The following CAMK4 variants were observed in gnomAD, a reference collection of about 807,000 sequenced individuals.
CAMK4 encodes the protein calcium/calmodulin dependent protein kinase IV.
A neutral mutation model predicts 44.9 loss-of-function variants in CAMK4; 22 were observed. The ratio of observed to expected loss-of-function variants is 0.49; its 90% CI spans 0.35 to 0.70. CAMK4 has a LOEUF of 0.70. Ranked by LOEUF, CAMK4 falls within the 30% of genes least tolerant of loss-of-function variation. The pLI, the probability that CAMK4 is intolerant of heterozygous loss-of-function variation, is 0.01. For missense variants in CAMK4, 498 were observed against 586.8 expected (o/e 0.85, Z 1.56); for synonymous variants, 218 against 215.4 (o/e 1.01, Z -0.11).
intron 5 of CAMK4, among the ~76,000 whole-genome samples, chr5:111,442,304 G>A (rs1753853168): frequency 6.6e-6 from 1 of 152,122 alleles, no homozygotes; most frequent in South Asian, 2.1e-4. Context: ...GACCAAGCTG[G>A]CCAACATGGT....
At chr5:111,390,100 TATC>T (rs1751745596) in intron 4 of CAMK4, among the ~76,000 whole-genome samples, 2 of 152,184 alleles carry the variant, frequency 1.3e-5, no homozygotes, top group South Asian at 2.1e-4. Context: ...TGTAAGTAAA[TATC>T]ATAAGAAAAT....
chr5:111,476,116 GT>G lies in CAMK4; in HGVS notation c.702-2256del, dbSNP rs143715106. 2.0e-4 allele frequency among the ~76,000 whole-genome samples: 30 copies of G among 150,898 alleles called. 1 individual carries two copies. The highest frequency in any genetic ancestry group is 1.3e-3 in the South Asian group (6 of 4,746). On this transcript the variant is annotated intron_variant, in intron 8 of 10. Coordinates refer to ENST00000282356, the MANE Select transcript of CAMK4 (RefSeq NM_001744.6). ...CTGTATGTACATAAACTCTGGGGCT[GT>G]TTTTTTTTAATAAAGCCATGAATAG...
intron 8 of CAMK4, among the ~76,000 whole-genome samples, chr5:111,475,697 T>C (rs1399240391): frequency 6.6e-6 from 1 of 152,256 alleles, no homozygotes; most frequent in Non-Finnish European, 1.5e-5. Flanking sequence ...TTTGGCTAAC[T>C]TCTGTCAGGC....
At chr5:111,389,304 C>A (rs1319114387) in intron 4 of CAMK4, among the ~76,000 whole-genome samples, 7 of 152,304 alleles carry the variant, frequency 4.6e-5, no homozygotes, top group Admixed American at 2.0e-4. Flanking sequence ...CTCCTAATAA[C>A]ATCACATTGG....
chr5:111,338,515 A>C (rs1283379223), intron 1 of CAMK4, among the ~76,000 whole-genome samples: 1 of 151,392 alleles, frequency 6.6e-6, no homozygotes, highest in African/African-American at 2.4e-5. Context: ...ACTTCTTTTG[A>C]GGACGTAGGC....
At chr5:111,332,939 A>G (rs991528382) in intron 1 of CAMK4, among the ~76,000 whole-genome samples, 6 of 151,668 alleles carry the variant, frequency 4.0e-5, no homozygotes, top group Non-Finnish European at 4.4e-5. Flanking sequence ...AATGTGGTAT[A>G]TTCGTTGAGT....
In CAMK4 at chr5:111,413,874, A is replaced by G. The variant is rs115178295; in HGVS notation, c.459+19092A>G. The stretch of plus-strand genomic sequence containing the variant: ...GCAAAATATAACCCAAAAAGTTCAT[A>G]AAATGTTTTTAAAGTGGAAAAAGAA... On this transcript the variant is annotated intron_variant, in intron 5 of 10. Transcript: ENST00000282356. Among the ~76,000 whole-genome samples the G allele has an allele frequency of 6.0e-3, 918 of 152,148 alleles. 6 individuals carry two copies. The highest frequency in any genetic ancestry group is 0.016 in the Admixed American group (241 of 15,288).
At chr5:111,248,077 G>A (rs1441359468) in intron 1 of CAMK4, among the ~76,000 whole-genome samples, 3 of 152,094 alleles carry the variant, frequency 2.0e-5, no homozygotes, top group Admixed American at 1.3e-4. Flanking sequence ...TTTTGGAGGG[G>A]CTTTACTATA....
chr5:111,366,545 T>G (rs184755767), intron 2 of CAMK4, among the ~76,000 whole-genome samples: 91 of 152,302 alleles, frequency 6.0e-4, no homozygotes, highest in African/African-American at 2.2e-3. Flanking sequence ...TGGTTTTCCT[T>G]TAAGCCATCA....
At chr5:111,427,834 C>G (rs1753285024) in intron 5 of CAMK4, among the ~76,000 whole-genome samples, 1 of 152,374 alleles carries the variant, frequency 6.6e-6, no homozygotes, top group African/African-American at 2.4e-5. Context: ...GGGAAGGTTA[C>G]AAGCCTGGAT....
intron 1 of CAMK4, among the ~76,000 whole-genome samples, chr5:111,274,598 G>C (rs959723588): frequency 6.6e-6 from 1 of 152,050 alleles, no homozygotes; most frequent in African/African-American, 2.4e-5. Context: ...GGTGGATTTG[G>C]ATAAGAAAAA....
At chr5:111,247,053 G>A (rs572775541) in intron 1 of CAMK4, among the ~76,000 whole-genome samples, 6 of 152,016 alleles carry the variant, frequency 3.9e-5, no homozygotes, top group Admixed American at 1.3e-4. Context: ...TTAGTTCCTC[G>A]GGATGTTTTA....
chr5:111,391,202 C>T lies in CAMK4; in HGVS notation c.387-3508C>T, dbSNP rs142587270. ...GAATCCAAATTAATCAGTGTAGAGA[C>T]GGTAAAGGCAAGGGAATGAAGTTCC... On this transcript the variant is annotated intron_variant, in intron 4 of 10. Coordinates refer to ENST00000282356, the MANE Select transcript of CAMK4 (RefSeq NM_001744.6). Among the ~76,000 whole-genome samples, 143 of 151,454 alleles carry T rather than the reference C, an allele frequency of 9.4e-4. 2 individuals carry two copies. Among genetic ancestry groups the T allele is most frequent in the African/African-American group, 3.1e-3 (126 of 41,288 alleles).
chr5:111,330,810 A>G lies in CAMK4; in HGVS notation c.162-13214A>G, dbSNP rs370046480. On this transcript the variant is annotated intron_variant, in intron 1 of 10. Coordinates refer to ENST00000282356, the MANE Select transcript of CAMK4 (RefSeq NM_001744.6). ...ACAATAGAGAGAATAGAGTCCTGGCACAGATCCATAGATCAATAGTTAGTT... is the reference window on the plus strand; with the variant it reads ...ACAATAGAGAGAATAGAGTCCTGGCGCAGATCCATAGATCAATAGTTAGTT... 1.3e-4 allele frequency among the ~76,000 whole-genome samples: 20 copies of G among 151,838 alleles called. No individual in the cohort carries two copies. In the East Asian group the frequency reaches 1.8e-3, roughly 13 times the overall value.
At position 111,449,201 on chromosome 5, in the gene CAMK4, G is replaced by A; in HGVS notation, c.623G>A (p.Cys208Tyr). ...MKTVCGTPGY[C>Y]APEILRGCAY... ...ACAGTATGTGGAACCCCAGGGTACT[G>A]CGGTATGCTCTTTAATAATTATATT... The change falls in exon 7 of 11, where the codon TGC becomes TAC. Residue 208 changes from cysteine to tyrosine, a missense_variant and splice_region_variant. Physicochemically the swap from Cys to Tyr is radical, Grantham distance 194 (BLOSUM62 -2). Around this residue, in one of 3 missense-constraint regions of CAMK4, gnomAD observed 203 missense variants for 298.2 expected, o/e 0.68. Coordinates refer to ENST00000282356, the MANE Select transcript of CAMK4 (RefSeq NM_001744.6). 1 of 1,432,940 alleles carries A rather than the reference G, an allele frequency of 7.0e-7. No individual in the cohort carries two copies. The highest frequency in any genetic ancestry group is 9.7e-7 in the Non-Finnish European group (1 of 1,030,788). 88.8% of individuals were successfully genotyped at this position (1,432,940 alleles called of 1,614,324 possible).
intron 8 of CAMK4, among the ~76,000 whole-genome samples, chr5:111,473,985 A>G (rs979905): frequency 0.4 from 60,345 of 152,006 alleles, 13,033 homozygotes; most frequent in Middle Eastern, 0.53. Context: ...CTAATAAGAA[A>G]TAAGGAGTTT....
At chr5:111,452,291 G>A (rs1443227549) in intron 7 of CAMK4, among the ~76,000 whole-genome samples, 9 of 152,152 alleles carry the variant, frequency 5.9e-5, no homozygotes, top group Admixed American at 1.3e-4. Flanking sequence ...TAGAAAGGTC[G>A]GATGGACCAT....
At chr5:111,261,777 C>T (rs1002486818) in intron 1 of CAMK4, among the ~76,000 whole-genome samples, 4 of 152,138 alleles carry the variant, frequency 2.6e-5, no homozygotes, top group Admixed American at 1.3e-4. Context: ...CTGCCTATGA[C>T]TCACTGTTCC....
chr5:111,269,315 A>T (rs1580508071), intron 1 of CAMK4, among the ~76,000 whole-genome samples: 1 of 152,328 alleles, frequency 6.6e-6, no homozygotes, highest in East Asian at 1.9e-4. Flanking sequence ...AACTTCAGTA[A>T]CCTATTTTGG....
Sources: allele counts gnomAD v4.1 joint callset (sites outside exome capture counted in the v4.1 genomes callset), GRCh38; gene constraint gnomAD v4.1.1; regional missense constraint gnomAD v4.1.1; transcripts MANE v1.5; gene names NCBI Gene and HGNC (gene_info 2026-07-23, HGNC 2026-07-21).